The following MDGA2 variants were observed in gnomAD, a reference collection of about 807,000 sequenced individuals.
MDGA2 encodes the protein MAM domain-containing glycosylphosphatidylinositol anchor protein 2.
MDGA2 carries 40 observed loss-of-function variants against 117.8 expected under a neutral mutation model. The ratio of observed to expected loss-of-function variants is 0.34; its 90% confidence interval spans 0.26 to 0.44. The LOEUF is 0.44. MDGA2 is among the 20% of genes least tolerant of loss of function. The probability of loss-of-function intolerance (pLI) is 1.00; values close to 1 mark genes in which losing one functional copy is unlikely to be tolerated. For synonymous variants in MDGA2, 452 were observed against 439.0 expected, an observed-to-expected ratio of 1.03 and a Z score of -0.37; for missense variants, 1,123 against 1,250.6, an observed-to-expected ratio of 0.90 and a Z score of 1.54.
intron 1 of MDGA2, among the ~76,000 whole-genome samples, chr14:47,344,722 T>A (rs1333340348): frequency 2.7e-5 from 4 of 150,040 alleles, no homozygotes; most frequent in Non-Finnish European, 5.9e-5. Flanking sequence ...TGTTTGTTTC[T>A]TTTTTCGCAT....
In MDGA2 at chr14:47,343,209, GA is replaced by G. The variant is rs1194088779; in HGVS notation, c.281-41660del. The G allele has an allele frequency of 3.5e-6, 4 of 1,129,448 alleles. No homozygotes were observed. In the African/African-American group the frequency reaches 6.6e-5, roughly 19 times the overall value. The allele number at this position is 1,129,448 out of a possible 1,614,324, so 70.0% of individuals were successfully genotyped here. ...GGCTCAAGCTATTAAAAGGAATGGT[GA>G]TTTTTTTTGTTTGTTTGTTTTTTTC... On this transcript the variant is annotated intron_variant, in intron 1 of 16. Coordinates refer to ENST00000399232, the MANE Select transcript of MDGA2 (RefSeq NM_001113498.3).
intron 1 of MDGA2, among the ~76,000 whole-genome samples, chr14:47,630,452 A>G (rs1028608645): frequency 2.6e-5 from 4 of 152,200 alleles, no homozygotes; most frequent in Admixed American, 2.6e-4. Flanking sequence ...AATGCATTTC[A>G]GTGACAGATA....
chr14:47,244,551 A>G (rs2139618457), intron 2 of MDGA2, among the ~76,000 whole-genome samples: 1 of 151,918 alleles, frequency 6.6e-6, no homozygotes, highest in East Asian at 1.9e-4. Context: ...AATTGTCTTA[A>G]TTCTTCAAAA....
intron 10 of MDGA2, among the ~76,000 whole-genome samples, chr14:46,907,163 G>C (rs1883530690): frequency 6.6e-6 from 1 of 151,806 alleles, no homozygotes; most frequent in Admixed American, 6.6e-5. Flanking sequence ...TTTTAGTAGA[G>C]ACTGGGGTTT....
chr14:47,431,467 A>C lies in MDGA2; in HGVS notation c.281-129917T>G, dbSNP rs1192340069. The stretch of plus-strand genomic sequence containing the variant: ...TATGTGGAAAGATACATAAAATATT[A>C]ATCCCAATGCCCAGGCACACAAAAA... On this transcript the variant is annotated intron_variant, in intron 1 of 16. Transcript: ENST00000399232. Among the ~76,000 whole-genome samples, 7 of 152,050 alleles carry C rather than the reference A, an allele frequency of 4.6e-5. No homozygotes were observed. The South Asian group carries it at 1.4e-3, about 31-fold the overall frequency.
chr14:46,983,373 T>C (rs182844691), intron 8 of MDGA2, among the ~76,000 whole-genome samples: 3 of 152,230 alleles, frequency 2.0e-5, no homozygotes, highest in Admixed American at 2.0e-4. Context: ...AATAAAATTT[T>C]CTGAAATTTT....
chr14:47,561,175 G>GTTTTTTTTTTTTTTTTTTTTTT (rs150826944), intron 1 of MDGA2, among the ~76,000 whole-genome samples: 6 of 69,366 alleles, frequency 8.6e-5, no homozygotes, highest in East Asian at 1.0e-3. Context: ...TTTTTTGTTT[G>GTTTTTTTTTTTTTTTTTTTTTT]TTTGTTTTTT....
chr14:46,963,475 T>C (rs1885891859), intron 8 of MDGA2, among the ~76,000 whole-genome samples: 1 of 152,270 alleles, frequency 6.6e-6, no homozygotes, highest in Non-Finnish European at 1.5e-5. Context: ...GCTCTGGCCA[T>C]ATTCTCAACT....
At chr14:47,585,260 TC>T (rs1220968383) in intron 1 of MDGA2, among the ~76,000 whole-genome samples, 1 of 151,758 alleles carries the variant, frequency 6.6e-6, no homozygotes, top group Non-Finnish European at 1.5e-5. Flanking sequence ...GGCTGCCTTT[TC>T]CCCAACTCTC....
chr14:47,257,224 C>A (rs1398210814), intron 2 of MDGA2, among the ~76,000 whole-genome samples: 10 of 152,096 alleles, frequency 6.6e-5, no homozygotes, highest in Non-Finnish European at 1.0e-4. Context: ...CCTTGCTTGT[C>A]AGATCTTATC....
chr14:47,337,291 TCAG>T (rs1341726282), intron 1 of MDGA2, among the ~76,000 whole-genome samples: 1 of 152,020 alleles, frequency 6.6e-6, no homozygotes, highest in Non-Finnish European at 1.5e-5. Context: ...TAAAGACCCT[TCAG>T]TAACAGCACA....
At chr14:46,865,549 G>A (rs1881719472) in intron 14 of MDGA2, among the ~76,000 whole-genome samples, 1 of 152,020 alleles carries the variant, frequency 6.6e-6, no homozygotes, top group Non-Finnish European at 1.5e-5. Context: ...AGGGCAATTA[G>A]GCAGGAGAAG....
At chr14:47,410,912 T>A (rs150505092) in intron 1 of MDGA2, among the ~76,000 whole-genome samples, 1 of 152,194 alleles carries the variant, frequency 6.6e-6, no homozygotes, top group Non-Finnish European at 1.5e-5. Flanking sequence ...CTAAGACACA[T>A]ACATTTGAGA....
chr14:47,284,918 C>A (rs1888621451), intron 2 of MDGA2, among the ~76,000 whole-genome samples: 1 of 152,012 alleles, frequency 6.6e-6, no homozygotes, highest in Non-Finnish European at 1.5e-5. Flanking sequence ...TAGTTTAATC[C>A]ATGAACATAC....
intron 1 of MDGA2, among the ~76,000 whole-genome samples, chr14:47,308,688 A>G (rs1199636285): frequency 6.6e-6 from 1 of 150,782 alleles, no homozygotes; most frequent in Admixed American, 6.6e-5. Context: ...GAGACAAAAG[A>G]GCAACATTTA....
At chr14:46,964,134 C>T (rs2138292238) in intron 8 of MDGA2, among the ~76,000 whole-genome samples, 1 of 152,234 alleles carries the variant, frequency 6.6e-6, no homozygotes, top group East Asian at 1.9e-4. Context: ...TTCAACCTCT[C>T]CTCTGCAAAA....
intron 1 of MDGA2, among the ~76,000 whole-genome samples, chr14:47,347,475 A>G (rs1890785782): frequency 6.6e-6 from 1 of 152,186 alleles, no homozygotes; most frequent in Admixed American, 6.5e-5. Context: ...AAGGAATGGA[A>G]AGAATTGGTA....
chr14:47,108,469 G>C (rs1250623257), intron 5 of MDGA2, among the ~76,000 whole-genome samples: 5 of 152,114 alleles, frequency 3.3e-5, no homozygotes, highest in African/African-American at 1.2e-4. Context: ...AAGTGTAAAT[G>C]GCCGGTCCTT....
chr14:47,437,510 C>T lies in MDGA2; in HGVS notation c.281-135960G>A, dbSNP rs1347781493. Among the ~76,000 whole-genome samples the T allele has an allele frequency of 2.0e-5, 3 of 152,112 alleles. No individual in the cohort carries two copies. In the East Asian group the frequency reaches 5.8e-4, roughly 29 times the overall value. Reference sequence around the variant, plus strand: ...TACTAGAAGACAATGTATGTCCCTCCATTTCTTTAGTGGCTATAGTATTTC... The same window carrying T: ...TACTAGAAGACAATGTATGTCCCTCTATTTCTTTAGTGGCTATAGTATTTC... On this transcript the variant is annotated intron_variant, in intron 1 of 16. Coordinates refer to ENST00000399232, the MANE Select transcript of MDGA2 (RefSeq NM_001113498.3).
Sources: gnomAD v4.1 joint callset for allele counts (sites outside exome capture counted in the v4.1 genomes callset) on GRCh38, gnomAD v4.1.1 for gene constraint, MANE v1.5 for transcripts, NCBI Gene and HGNC (gene_info 2026-07-23, HGNC 2026-07-21) for gene names.